Variants in NTF3 observed in about 807,000 individuals in gnomAD.
NTF3 encodes the protein neurotrophin-3.
In NTF3, 8 loss-of-function variants were observed where a neutral mutation model predicts 26.3. The ratio of observed to expected loss-of-function variants is 0.30; its 90% CI spans 0.18 to 0.55. NTF3 has a LOEUF of 0.55. NTF3 is among the 20% of genes least tolerant of loss of function. The pLI is 0.93. For synonymous variants in NTF3, 154 were observed against 145.5 expected, an observed-to-expected ratio of 1.06 and a Z score of -0.42; for missense variants, 276 against 352.9, an observed-to-expected ratio of 0.78 and a Z score of 1.75.
At position 5,495,053 on chromosome 12, in the gene NTF3, A is replaced by T. The variant is rs968165763; in HGVS notation, c.*65A>T. ...TATATGATATGCATGTAGCATATAA[A>T]TGTTTATATTGTTTTTATATATTAT... On this transcript the variant is annotated 3_prime_UTR_variant, in exon 2 of 2. Coordinates refer to ENST00000423158, the MANE Select transcript of NTF3 (RefSeq NM_001102654.2). The T allele has an allele frequency of 7.0e-7, 1 of 1,425,288 alleles. No homozygotes were observed. 88.3% of individuals were successfully genotyped at this position (1,425,288 alleles called of 1,614,324 possible). A position where few individuals can be genotyped will look rare whatever the true frequency, so the allele number is the denominator to read the frequency against.
chr12:5,435,067 A>G (rs116134178), intron 1 of NTF3, among the ~76,000 whole-genome samples: 3 of 152,092 alleles, frequency 2.0e-5, no homozygotes, highest in African/African-American at 7.2e-5. Flanking sequence ...AGAATGAGGG[A>G]TGTACATTTA....
rs1940099614 is a variant in NTF3, at chr12:5,432,159, C to G, written c.-166C>G. ...CCGAACAGCTCCGCGCACCGCCCCGCGACGCAGCCCGGCGCAACTACTTTC... is the reference window on the plus strand; with the variant it reads ...CCGAACAGCTCCGCGCACCGCCCCGGGACGCAGCCCGGCGCAACTACTTTC... On this transcript the variant is annotated 5_prime_UTR_variant, in exon 1 of 2. Coordinates refer to ENST00000423158, the MANE Select transcript of NTF3 (RefSeq NM_001102654.2). 2.6e-6 allele frequency: 2 copies of G among 777,888 alleles called. No homozygotes were observed. The highest frequency in any genetic ancestry group is 3.4e-5 in the African/African-American group (2 of 58,622). The allele number at this position is 777,888 out of a possible 1,614,324, so 48.2% of individuals were successfully genotyped here.
At chr12:5,440,073 C>T (rs1409659954) in intron 1 of NTF3, among the ~76,000 whole-genome samples, 3 of 152,090 alleles carry the variant, frequency 2.0e-5, no homozygotes, top group African/African-American at 7.2e-5. Flanking sequence ...GTGGATGTTG[C>T]CCTGTTTGAA....
At chr12:5,447,296 GT>G (rs1940318205) in intron 1 of NTF3, among the ~76,000 whole-genome samples, 1 of 152,210 alleles carries the variant, frequency 6.6e-6, no homozygotes, top group African/African-American at 2.4e-5. Context: ...TCTAGAACAT[GT>G]TTGCAAGAAA....
At chr12:5,465,785 A>G (rs1043958244) in intron 1 of NTF3, among the ~76,000 whole-genome samples, 14 of 152,312 alleles carry the variant, frequency 9.2e-5, no homozygotes, top group Non-Finnish European at 1.9e-4. Context: ...CAGGGATCCT[A>G]CTGAGCTCTT....
At chr12:5,447,976 T>C (rs1455376202) in intron 1 of NTF3, among the ~76,000 whole-genome samples, 1 of 152,184 alleles carries the variant, frequency 6.6e-6, no homozygotes, top group African/African-American at 2.4e-5. Flanking sequence ...CACTGCACAG[T>C]AAAAATGGTG....
intron 1 of NTF3, among the ~76,000 whole-genome samples, chr12:5,491,913 A>T (rs1355031411): frequency 2.0e-5 from 3 of 150,680 alleles, no homozygotes; most frequent in Non-Finnish European, 4.4e-5. Context: ...ACGGGGTTTC[A>T]CCTTGTTAGC....
At chr12:5,469,219 A>C (rs1275633121) in intron 1 of NTF3, among the ~76,000 whole-genome samples, 1 of 152,218 alleles carries the variant, frequency 6.6e-6, no homozygotes, top group Non-Finnish European at 1.5e-5. Flanking sequence ...CTGGGCACTT[A>C]AGAGAGAAAA....
rs140208923 is a variant in NTF3 at position 5,433,979 on chromosome 12, C to T, written c.18+1637C>T. ...AATAAAGAGGTGCCCGCTCCTACCCCGCAAAACAGCGAACGAGGAGAACAT... is the reference window on the plus strand; with the variant it reads ...AATAAAGAGGTGCCCGCTCCTACCCTGCAAAACAGCGAACGAGGAGAACAT... On this transcript the variant is annotated intron_variant, in intron 1 of 1. Coordinates refer to ENST00000423158, the MANE Select transcript of NTF3 (RefSeq NM_001102654.2). This position sits in a 1 kb window ranked among gnomAD's most constrained non-coding sequence, Gnocchi z 4.6. Among the ~76,000 whole-genome samples the T allele has an allele frequency of 3.2e-4, 48 of 152,248 alleles. No individual in the cohort carries two copies. The East Asian group carries it at 8.9e-3, about 28-fold the overall frequency.
At chr12:5,452,776 T>G (rs1314789630) in intron 1 of NTF3, among the ~76,000 whole-genome samples, 1 of 152,216 alleles carries the variant, frequency 6.6e-6, no homozygotes, top group Non-Finnish European at 1.5e-5. Flanking sequence ...CACTCAGGAT[T>G]ATGAGAAAGA....
chr12:5,490,870 G>A (rs964689721), intron 1 of NTF3, among the ~76,000 whole-genome samples: 1 of 152,212 alleles, frequency 6.6e-6, no homozygotes, highest in African/African-American at 2.4e-5. Context: ...CAGATGTAGA[G>A]GAGGGAGCTC....
At chr12:5,444,609 A>C (rs1175764862) in intron 1 of NTF3, among the ~76,000 whole-genome samples, 6 of 152,212 alleles carry the variant, frequency 3.9e-5, no homozygotes, top group Non-Finnish European at 5.9e-5. Context: ...AACAGAGAAC[A>C]TCCCATATAT....
At position 5,445,114 on chromosome 12, in the gene NTF3, C is replaced by G. The variant is rs145512535; in HGVS notation, c.18+12772C>G. Among the ~76,000 whole-genome samples, 32 of 152,242 alleles carry G rather than the reference C, an allele frequency of 2.1e-4. No homozygotes were observed. In the East Asian group the frequency reaches 6.2e-3, roughly 29 times the overall value. On this transcript the variant is annotated intron_variant, in intron 1 of 1. Coordinates refer to ENST00000423158, the MANE Select transcript of NTF3 (RefSeq NM_001102654.2). The stretch of plus-strand genomic sequence containing the variant: ...GAAGATGGCTTTTGAAATTACATCC[C>G]AGAAAATCTGAAACTGTGGCATTGA...
At chr12:5,472,682 C>CT (rs1268775306) in intron 1 of NTF3, among the ~76,000 whole-genome samples, 1 of 152,144 alleles carries the variant, frequency 6.6e-6, no homozygotes, top group Admixed American at 6.5e-5. Flanking sequence ...ACTGCCACTG[C>CT]TGGTCTCTCT....
intron 1 of NTF3, among the ~76,000 whole-genome samples, chr12:5,474,063 A>G (rs1328373596): frequency 6.6e-6 from 1 of 152,180 alleles, no homozygotes; most frequent in Non-Finnish European, 1.5e-5. Flanking sequence ...CATGGAATTT[A>G]TTTTCCAAAG....
intron 1 of NTF3, among the ~76,000 whole-genome samples, chr12:5,454,788 G>T (rs536622575): frequency 4.8e-4 from 73 of 152,366 alleles, no homozygotes; most frequent in Admixed American, 9.1e-4. Flanking sequence ...GCGAGAAAAA[G>T]GGGGAGTAGA....
At chr12:5,463,712 C>T (rs545977178) in intron 1 of NTF3, among the ~76,000 whole-genome samples, 2 of 152,232 alleles carry the variant, frequency 1.3e-5, no homozygotes, top group African/African-American at 4.8e-5. Flanking sequence ...TGGTGCTTCC[C>T]GGTACTAAAA....
chr12:5,457,575 C>A (rs143572664), intron 1 of NTF3, among the ~76,000 whole-genome samples: 1 of 152,286 alleles, frequency 6.6e-6, no homozygotes, highest in Non-Finnish European at 1.5e-5. Flanking sequence ...CATACACTCT[C>A]CATAGCCTAT....
Position 5,460,746 on chromosome 12 carries a change from A to G in NTF3, c.18+28404A>G, listed in dbSNP as rs371672386. On this transcript the variant is annotated intron_variant, in intron 1 of 1. Transcript: ENST00000423158. ...TAACCTCATTCTCCCCTCTTTCCACAATAAACTGGATCAGAACCAGCAGCT... is the reference window on the plus strand; with the variant it reads ...TAACCTCATTCTCCCCTCTTTCCACGATAAACTGGATCAGAACCAGCAGCT... Among the ~76,000 whole-genome samples the G allele has an allele frequency of 4.6e-5, 7 of 152,182 alleles. No homozygotes were observed. In the East Asian group the frequency reaches 7.7e-4, roughly 17 times the overall value.
Sources: allele counts gnomAD v4.1 joint callset (sites outside exome capture counted in the v4.1 genomes callset), GRCh38; gene constraint gnomAD v4.1.1; non-coding constraint Gnocchi (gnomAD v3.1); transcripts MANE v1.5; gene names NCBI Gene and HGNC (gene_info 2026-07-23, HGNC 2026-07-21).